The following TENM2 variants were observed in gnomAD, a reference collection of about 807,000 sequenced individuals.
TENM2 encodes teneurin-2.
A neutral mutation model predicts 245.2 loss-of-function variants in TENM2; 52 were observed. The observed-to-expected ratio is 0.21, with a 90% CI of 0.17 to 0.27. TENM2 has a LOEUF of 0.27. Among genes scored for constraint, TENM2 ranks in the 10% least tolerant of loss-of-function variants. TENM2 has a pLI of 1.00. For synonymous variants in TENM2, 1,363 were observed against 1,438.9 expected (o/e 0.95, Z 1.19); for missense variants, 3,046 against 3,666.8 (o/e 0.83, Z 4.37).
intron 2 of TENM2, among the ~76,000 whole-genome samples, chr5:167,655,767 A>G (rs1343151923): frequency 6.6e-6 from 1 of 152,212 alleles, no homozygotes; most frequent in Non-Finnish European, 1.5e-5. Flanking sequence ...AACAAATTGG[A>G]CTGATCTTAC....
At chr5:167,482,055 A>T (rs1047818118) in intron 2 of TENM2, among the ~76,000 whole-genome samples, 13 of 152,210 alleles carry the variant, frequency 8.5e-5, no homozygotes, top group Non-Finnish European at 1.9e-4. Flanking sequence ...TTTCATCGCT[A>T]TAGAGTTATC....
the TENM2 span, among the ~76,000 whole-genome samples, chr5:167,098,030 TTA>T: frequency 6.6e-6 from 1 of 152,218 alleles, no homozygotes; most frequent in Non-Finnish European, 1.5e-5. Flanking sequence ...TCCTCCGAGT[TTA>T]TGTTCTTTCA....
At position 168,108,770 on chromosome 5, in the gene TENM2, C is replaced by G. The variant is rs371732559; in HGVS notation, c.1814-9522C>G. ...TGAAGTCCCCAACAATAAGTACTGC[C>G]AGCAGCTGGGGCTCTCTGAGCCCCC... On this transcript the variant is annotated intron_variant, in intron 9 of 28. Transcript: ENST00000518659. Among the ~76,000 whole-genome samples, 10 of 152,278 alleles carry G rather than the reference C, an allele frequency of 6.6e-5. 1 individual carries two copies. The highest frequency in any genetic ancestry group is 2.4e-4 in the African/African-American group (10 of 41,564).
chr5:167,214,231 T>C, the TENM2 span, among the ~76,000 whole-genome samples: 1 of 152,210 alleles, frequency 6.6e-6, no homozygotes, highest in Non-Finnish European at 1.5e-5. Context: ...ATTTTCATAT[T>C]GCATATACTC....
chr5:167,362,551 G>A (rs768580809), intron 1 of TENM2, among the ~76,000 whole-genome samples: 11 of 152,142 alleles, frequency 7.2e-5, no homozygotes, highest in Non-Finnish European at 1.0e-4. Flanking sequence ...TCTGTGATAG[G>A]AAAGTCAAAG....
chr5:167,722,985 T>C (rs1381916098), intron 2 of TENM2, among the ~76,000 whole-genome samples: 1 of 152,198 alleles, frequency 6.6e-6, no homozygotes, highest in East Asian at 1.9e-4. Flanking sequence ...GGAGCTAGAA[T>C]GATAGTGTTA....
the TENM2 span, among the ~76,000 whole-genome samples, chr5:167,031,180 T>C: frequency 6.6e-6 from 1 of 152,250 alleles, no homozygotes; most frequent in African/African-American, 2.4e-5. Flanking sequence ...AGGCTCATTC[T>C]ACAAAATAGT....
chr5:167,107,209 C>T, the TENM2 span, among the ~76,000 whole-genome samples: 37 of 151,636 alleles, frequency 2.4e-4, no homozygotes, highest in Middle Eastern at 6.9e-3. Flanking sequence ...TTGCAGTGAG[C>T]CGAGACTGCG....
chr5:167,440,184 C>T (rs1299325050), intron 2 of TENM2, among the ~76,000 whole-genome samples: 1 of 152,084 alleles, frequency 6.6e-6, no homozygotes, highest in African/African-American at 2.4e-5. Flanking sequence ...TTTCATGTCT[C>T]TTAAATAATA....
chr5:166,990,968 A>G, the TENM2 span, among the ~76,000 whole-genome samples: 2 of 152,212 alleles, frequency 1.3e-5, no homozygotes, highest in East Asian at 3.9e-4. Flanking sequence ...TGACAGTTGG[A>G]TTGGGATTGT....
At chr5:168,190,002 C>G (rs772411123) in intron 13 of TENM2, among the ~76,000 whole-genome samples, 1 of 152,044 alleles carries the variant, frequency 6.6e-6, no homozygotes, top group African/African-American at 2.4e-5. Context: ...TGTTTAAAAG[C>G]GAAGTTTTTG....
chr5:167,997,739 C>A (rs1784160262), intron 5 of TENM2, among the ~76,000 whole-genome samples: 1 of 152,088 alleles, frequency 6.6e-6, no homozygotes, highest in East Asian at 1.9e-4. Context: ...AGAATGTAAA[C>A]CCATTGTTTA....
chr5:167,801,144 ATATATATATG>A lies in TENM2; in HGVS notation c.503-74834_503-74825del, dbSNP rs549903706. ...TATATATATATATATATATATATAT[ATATATATATG>A]TATATATTCCCCAGGGTCAAAGTGT... On this transcript the variant is annotated intron_variant, in intron 2 of 28. Transcript: ENST00000518659. Among the ~76,000 whole-genome samples, 146 of 100,874 alleles carry A rather than the reference ATATATATATG, an allele frequency of 1.4e-3. 1 individual carries two copies. Among genetic ancestry groups the A allele is most frequent in the African/African-American group, 4.8e-3 (112 of 23,490 alleles). 66.2% of individuals were successfully genotyped at this position (100,874 alleles called of 152,430 possible).
At chr5:167,926,187 A>G (rs1777748762) in intron 3 of TENM2, among the ~76,000 whole-genome samples, 1 of 152,190 alleles carries the variant, frequency 6.6e-6, no homozygotes, top group South Asian at 2.1e-4. Flanking sequence ...AGAAATAAAA[A>G]TAGGAAAGAA....
intron 6 of TENM2, among the ~76,000 whole-genome samples, chr5:168,047,983 G>T (rs1281920686): frequency 6.6e-6 from 1 of 152,200 alleles, no homozygotes; most frequent in Non-Finnish European, 1.5e-5. Context: ...CCTCTCCCAG[G>T]AGACATGCAG....
chr5:167,498,676 G>A (rs943793299), intron 2 of TENM2, among the ~76,000 whole-genome samples: 7 of 152,038 alleles, frequency 4.6e-5, no homozygotes, highest in Middle Eastern at 3.4e-3. Context: ...CACCCCGTGC[G>A]GCATCACACA....
chr5:167,192,423 C>T, the TENM2 span, among the ~76,000 whole-genome samples: 1 of 152,146 alleles, frequency 6.6e-6, no homozygotes, highest in East Asian at 1.9e-4. Context: ...CCAGCATACA[C>T]TTATAAGAGC....
chr5:167,849,725 A>C (rs1211179517), intron 2 of TENM2, among the ~76,000 whole-genome samples: 3 of 152,202 alleles, frequency 2.0e-5, no homozygotes, highest in Non-Finnish European at 4.4e-5. Context: ...AGAGGGATTC[A>C]CAGAACTCAA....
chr5:167,175,247 G>C, the TENM2 span, among the ~76,000 whole-genome samples: 1 of 152,138 alleles, frequency 6.6e-6, no homozygotes, highest in East Asian at 1.9e-4. Flanking sequence ...AATAGTGCCT[G>C]TATTTCTCAG....
Sources: allele counts gnomAD v4.1 joint callset (sites outside exome capture counted in the v4.1 genomes callset), GRCh38; gene constraint gnomAD v4.1.1; transcripts MANE v1.5; gene names NCBI Gene and HGNC (gene_info 2026-07-23, HGNC 2026-07-21).